TAF1A: variants seen among roughly 807,000 people sequenced by gnomAD.
TAF1A encodes TATA box-binding protein-associated factor RNA polymerase I subunit A.
A neutral mutation model predicts 61.6 loss-of-function variants in TAF1A; 42 were observed. The observed-to-expected ratio is 0.68, with a 90% CI of 0.53 to 0.88. The LOEUF is 0.88. Ranked by LOEUF, TAF1A falls within the 40% of genes least tolerant of loss-of-function variation. The pLI is 0.00. For synonymous variants in TAF1A, 179 were observed against 177.7 expected (o/e 1.01, Z -0.06); for missense variants, 424 against 518.7 (o/e 0.82, Z 1.77).
chr1:222,589,008 G>A (rs1431383935), intron 1 of TAF1A, among the ~76,000 whole-genome samples: 4 of 152,080 alleles, frequency 2.6e-5, no homozygotes, highest in South Asian at 2.1e-4. Flanking sequence ...TCCATGTGAA[G>A]GTTGAAAAAA....
chr1:222,572,218 C>CAAA (rs1172947422), intron 5 of TAF1A, among the ~76,000 whole-genome samples: 7 of 86,658 alleles, frequency 8.1e-5, no homozygotes, highest in Non-Finnish European at 1.7e-4. Context: ...GACTCAGTCT[C>CAAA]AAAAAAAAAA....
intron 7 of TAF1A, among the ~76,000 whole-genome samples, chr1:222,568,143 C>A (rs1328464266): frequency 6.9e-6 from 1 of 145,924 alleles, no homozygotes. Context: ...AGCTAAAAAT[C>A]TACCATGACC....
Position 222,563,549 on chromosome 1 carries a change from C to T in TAF1A, c.962-253G>A, listed in dbSNP as rs17510628. On this transcript the variant is annotated intron_variant, in intron 8 of 10. Coordinates refer to ENST00000352967, the MANE Select transcript of TAF1A (RefSeq NM_005681.4). The stretch of plus-strand genomic sequence containing the variant: ...GTGAATTTGATCTCAATATGGGTTA[C>T]ACTCCTCTACTAAGGACATTATTTA... Among the ~76,000 whole-genome samples the T allele has an allele frequency of 3.5e-3, 526 of 152,300 alleles. 2 individuals carry two copies. The highest frequency in any genetic ancestry group is 5.2e-3 in the Non-Finnish European group (357 of 68,004).
At chr1:222,586,891 T>C (rs991205033) in intron 2 of TAF1A, among the ~76,000 whole-genome samples, 2 of 152,244 alleles carry the variant, frequency 1.3e-5, no homozygotes, top group African/African-American at 4.8e-5. Context: ...TTGCAAGTAT[T>C]TTCTCATTGC....
At chr1:222,562,286 C>T (rs1659949160) in intron 9 of TAF1A, among the ~76,000 whole-genome samples, 1 of 152,162 alleles carries the variant, frequency 6.6e-6, no homozygotes, top group Non-Finnish European at 1.5e-5. Flanking sequence ...CTACGTTGCA[C>T]ATTAGATCTC....
At chr1:222,563,889 T>C (rs138927469) in intron 8 of TAF1A, among the ~76,000 whole-genome samples, 170 bp downstream of exon 8, 1 of 152,312 alleles carries the variant, frequency 6.6e-6, no homozygotes, top group East Asian at 1.9e-4. Flanking sequence ...CACGGCTCTG[T>C]CACTATAGTG....
At chr1:222,565,034 A>G (rs1402152874) in intron 7 of TAF1A, among the ~76,000 whole-genome samples, 3 of 152,238 alleles carry the variant, frequency 2.0e-5, no homozygotes, top group Non-Finnish European at 4.4e-5. Flanking sequence ...AAATCATGAC[A>G]CCAGTCAGTT....
chr1:222,564,133 A>G lies in TAF1A; in HGVS notation c.895-8T>C. 6.5e-7 allele frequency: 1 copy of G among 1,540,676 alleles called. No individual in the cohort carries two copies. Among genetic ancestry groups the G allele is most frequent in the Non-Finnish European group, 8.9e-7 (1 of 1,121,838 alleles). ...TACAATCTGATACAAAATCTGAAAGAAAGAACAGTCTTGTAATCTTTACAT... is the reference window on the plus strand; with the variant it reads ...TACAATCTGATACAAAATCTGAAAGGAAGAACAGTCTTGTAATCTTTACAT... On this transcript the variant is annotated splice_polypyrimidine_tract_variant and splice_region_variant and intron_variant, in intron 7 of 10. Transcript: ENST00000352967.
At chr1:222,577,764 T>G (rs533402652) in intron 4 of TAF1A, 121 bp from the exon 5 acceptor site, 1 of 847,998 alleles carries the variant, frequency 1.2e-6, no homozygotes, top group African/African-American at 1.7e-5. Context: ...TAACTTGACA[T>G]GGAAAATTTT....
chr1:222,558,970 G>A (rs1659807906), intron 10 of TAF1A, among the ~76,000 whole-genome samples, 198 bp from the exon 11 acceptor site: 1 of 152,062 alleles, frequency 6.6e-6, no homozygotes, highest in Admixed American at 6.5e-5. Context: ...AAATTTATTT[G>A]TATTACCAAT....
chr1:222,569,652 C>G lies in TAF1A; in HGVS notation c.752G>C (p.Gly251Ala), dbSNP rs1377302955. Residue 251 changes from glycine (G) to alanine (A), a missense_variant, in exon 7 of 11, where the codon GGG (glycine) becomes GCG (alanine). Gly to Ala is a moderately conservative substitution (Grantham distance 60). Transcript: ENST00000352967. ...KSYVEMLEFY[G>A]DRDGAQEVLT... ...TACCTCTTGGGCTCCATCTCGATCCCCATAGAATTCCAGCATCTATATAAA... is the reference window on the plus strand; with the variant it reads ...TACCTCTTGGGCTCCATCTCGATCCGCATAGAATTCCAGCATCTATATAAA... The G allele has an allele frequency of 6.2e-7, 1 of 1,611,630 alleles. No homozygotes were observed. Among genetic ancestry groups the G allele is most frequent in the Non-Finnish European group, 8.5e-7 (1 of 1,179,302 alleles).
intron 8 of TAF1A, 85 bp downstream of exon 8, chr1:222,563,974 G>C: frequency 2.5e-6 from 2 of 795,080 alleles, no homozygotes; most frequent in Non-Finnish European, 4.3e-6. Context: ...GAAAGGGGTG[G>C]ATTTAGCCGA....
chr1:222,588,322 C>G (rs1661104204), intron 2 of TAF1A, 121 bp downstream of exon 2: 2 of 1,281,394 alleles, frequency 1.6e-6, no homozygotes, highest in Non-Finnish European at 2.1e-6. Context: ...GGCTTTTAGC[C>G]AAAAAACCCT....
At chr1:222,563,678 T>C (rs976886775) in intron 8 of TAF1A, among the ~76,000 whole-genome samples, 3 of 152,218 alleles carry the variant, frequency 2.0e-5, no homozygotes, top group African/African-American at 7.2e-5. Context: ...GATTTTCTTC[T>C]ATGAAGGAGC....
In TAF1A at chr1:222,572,265, T is replaced by G. The variant is rs138790144; in HGVS notation, c.605-1600A>C. Reference sequence around the variant, plus strand: ...ACTACAAAGCTGTAGTAATCAAGACTGTGTGATATGGGCAGAAAGAGAGAC... The same window carrying G: ...ACTACAAAGCTGTAGTAATCAAGACGGTGTGATATGGGCAGAAAGAGAGAC... On this transcript the variant is annotated intron_variant, in intron 5 of 10. Transcript: ENST00000352967. 1.5e-4 allele frequency among the ~76,000 whole-genome samples: 22 copies of G among 150,810 alleles called. No individual in the cohort carries two copies. The East Asian group carries it at 4.1e-3, about 28-fold the overall frequency.
In TAF1A at chr1:222,584,218, C is replaced by T. The variant is rs770272247; in HGVS notation, c.201G>A (p.Lys67=). 3 of 1,612,774 alleles carry T rather than the reference C, an allele frequency of 1.9e-6. No individual in the cohort carries two copies. The highest frequency in any genetic ancestry group is 2.5e-6 in the Non-Finnish European group (3 of 1,179,658). Residue 67 remains lysine, a synonymous_variant, in exon 3 of 11, where the codon AAG becomes AAA. Coordinates refer to ENST00000352967, the MANE Select transcript of TAF1A (RefSeq NM_005681.4). ...ATTCTGCAGCTTGCTGCCATTGGTG[C>T]TTCAGCAGAGCTTCTTGGATAAAAC... ...CLSFIQEALL[K]HQWQQAAEYM... is the part of the protein sequence containing the mutation.
chr1:222,587,300 G>GA (rs1485023803), intron 2 of TAF1A, among the ~76,000 whole-genome samples: 1 of 152,170 alleles, frequency 6.6e-6, no homozygotes, highest in East Asian at 1.9e-4. Context: ...TGTAAGCTTT[G>GA]AGATCAGACA....
intron 7 of TAF1A, 80 bp downstream of exon 7, chr1:222,569,430 A>T: frequency 6.2e-7 from 1 of 1,611,326 alleles, no homozygotes; most frequent in Non-Finnish European, 8.5e-7. Flanking sequence ...AGATGCTATA[A>T]AAGTTAGAAA....
chr1:222,575,882 A>G (rs745780849), intron 5 of TAF1A, among the ~76,000 whole-genome samples: 1 of 152,234 alleles, frequency 6.6e-6, no homozygotes. Context: ...AGCTTTAATC[A>G]TCAGATATTT....
Sources: allele counts gnomAD v4.1 joint callset (sites outside exome capture counted in the v4.1 genomes callset), GRCh38; gene constraint gnomAD v4.1.1; transcripts MANE v1.5; gene names NCBI Gene and HGNC (gene_info 2026-07-23, HGNC 2026-07-21).